Variants in PNPLA7 observed in about 807,000 individuals in gnomAD.
PNPLA7 encodes patatin like domain 7, lysophospholipase, also known as patatin-like phospholipase domain-containing protein 7.
In PNPLA7, 153 loss-of-function variants were observed where a neutral mutation model predicts 161.7. The ratio of observed to expected loss-of-function variants is 0.95; its 90% CI spans 0.83 to 1.08. The LOEUF (loss-of-function observed/expected upper bound fraction) is 1.08. Among genes scored for constraint, PNPLA7 ranks in the 50% least tolerant of loss-of-function variants. The probability of loss-of-function intolerance (pLI) is 0.00; values close to 1 mark genes in which losing one functional copy is unlikely to be tolerated. For synonymous variants in PNPLA7, 809 were observed against 782.1 expected, an observed-to-expected ratio of 1.03 and a Z score of -0.57; for missense variants, 1,739 against 1,856.6, an observed-to-expected ratio of 0.94 and a Z score of 1.16.
intron 30 of PNPLA7, 113 bp from the exon 31 acceptor site, chr9:137,462,444 G>C (rs898183476): frequency 5.4e-6 from 8 of 1,485,660 alleles, no homozygotes; most frequent in Non-Finnish European, 7.2e-6. Flanking sequence ...GGTAGGTTCT[G>C]GGGGGAGAGG....
rs768264539 is a variant in PNPLA7, at chr9:137,521,638, C to A, written c.955G>T (p.Ala319Ser). 1.2e-6 allele frequency: 2 copies of A among 1,612,310 alleles called. No individual in the cohort carries two copies. Among genetic ancestry groups the A allele is most frequent in the Non-Finnish European group, 1.7e-6 (2 of 1,179,702 alleles). The stretch of plus-strand genomic sequence containing the variant: ...TTTGTGAGGTGGTTTTCACTTACAG[C>A]GTTGAAGAGCTCTGTGGTCAGGCCG... ...YLGLTTELFN[A>S]ESQAIPLVSV... Residue 319 changes from alanine (A) to serine (S), a missense_variant and splice_region_variant, in exon 10 of 35, where the codon GCT (alanine) becomes TCT (serine). By Grantham distance (99) the Ala-to-Ser change is moderately conservative. Coordinates refer to ENST00000406427, the MANE Select transcript of PNPLA7 (RefSeq NM_001098537.3).
chr9:137,479,469 G>A (rs996104650), intron 23 of PNPLA7: 11 of 1,229,772 alleles, frequency 8.9e-6, no homozygotes, highest in African/African-American at 4.7e-5. Context: ...GGAGGGGGAC[G>A]CCTCCTCTTT....
intron 14 of PNPLA7, among the ~76,000 whole-genome samples, chr9:137,502,539 CAGAGGACGGCCGCTGACGG>C (rs1833499604): frequency 6.8e-6 from 1 of 146,184 alleles, no homozygotes; most frequent in Non-Finnish European, 1.5e-5. Context: ...AGCTCTCAGG[CAGAGGACGGCCGCTGACGG>C]AGAGGCCGCA....
rs912475101 is a variant in PNPLA7, at chr9:137,476,045, G to A, written c.2882+1989C>T. ...AATTGAACACAGGAGAGAAACAAAG[G>A]CAGTTTCCAGGGTGGTGGTGAAAGA... On this transcript the variant is annotated intron_variant, in intron 25 of 34. Coordinates refer to ENST00000406427, the MANE Select transcript of PNPLA7 (RefSeq NM_001098537.3). The surrounding 1 kb of genome is among the most constrained non-coding windows in gnomAD (Gnocchi z 4.5). Among the ~76,000 whole-genome samples, 6 of 152,180 alleles carry A rather than the reference G, an allele frequency of 3.9e-5. No individual in the cohort carries two copies. Among genetic ancestry groups the A allele is most frequent in the African/African-American group, 1.4e-4 (6 of 41,444 alleles).
intron 30 of PNPLA7, 99 bp from the exon 31 acceptor site, chr9:137,462,430 G>C (rs908458594): frequency 1.3e-6 from 2 of 1,503,592 alleles, no homozygotes; most frequent in African/African-American, 1.4e-5. Context: ...CATCCTCTGG[G>C]GTAGGTAGGT....
At chr9:137,517,410 C>T (rs1834661955) in intron 11 of PNPLA7, among the ~76,000 whole-genome samples, 1 of 60,304 alleles carries the variant, frequency 1.7e-5, no homozygotes, top group Non-Finnish European at 3.0e-5. Flanking sequence ...CTCCATCCCC[C>T]GTCACTCACT....
chr9:137,491,428 G>A (rs145091535), intron 20 of PNPLA7: 1 of 946,324 alleles, frequency 1.1e-6, no homozygotes, highest in Non-Finnish European at 1.3e-6. Context: ...AGGAACACAT[G>A]ATCCAACCGG....
chr9:137,479,951 G>T (rs115113592), intron 23 of PNPLA7: 1 of 942,876 alleles, frequency 1.1e-6, no homozygotes, highest in Non-Finnish European at 1.3e-6. Flanking sequence ...GAACAGGAAC[G>T]ACGCCGACAC....
intron 9 of PNPLA7, 79 bp from the exon 10 acceptor site, chr9:137,521,795 T>A: frequency 7.9e-7 from 1 of 1,273,014 alleles, no homozygotes; most frequent in Non-Finnish European, 1.1e-6. Context: ...CACAGAGCAC[T>A]GAGAACCGTG....
chr9:137,497,988 C>A (rs761140602), intron 17 of PNPLA7, 126 bp downstream of exon 17: 32 of 1,442,016 alleles, frequency 2.2e-5, no homozygotes, highest in Non-Finnish European at 2.8e-5. Flanking sequence ...GGAAATCCAG[C>A]CTTCCATGTG....
At position 137,497,228 on chromosome 9, in the gene PNPLA7, G is replaced by A. The variant is rs768493455; in HGVS notation, c.1972C>T (p.Arg658Cys). 9.4e-6 allele frequency: 15 copies of A among 1,589,058 alleles called. No individual in the cohort carries two copies. Among genetic ancestry groups the A allele is most frequent in the South Asian group, 2.3e-5 (2 of 87,008 alleles). ...SVIRKDDGKK[R>C]LAGEYGRGDL... ...CCTCGGCCGTACTCCCCGGCCAGGC[G>A]CTTCTTCCCATCATCCTTCCGGATC... is the stretch of plus-strand genomic sequence containing the variant. The change falls in exon 18 of 35, where the codon CGC becomes TGC. Residue 658 changes from arginine (R) to cysteine (C), a missense_variant. Around this residue, in one of 6 missense-constraint regions of PNPLA7, gnomAD observed 481 missense variants for 450.0 expected, o/e 1.07. Coordinates refer to ENST00000406427, the MANE Select transcript of PNPLA7 (RefSeq NM_001098537.3).
intron 8 of PNPLA7, among the ~76,000 whole-genome samples, chr9:137,534,477 C>G (rs1416014916): frequency 1.3e-5 from 2 of 152,214 alleles, no homozygotes; most frequent in Non-Finnish European, 2.9e-5. Flanking sequence ...AGTGTCCACT[C>G]CAGATGGGAG....
chr9:137,521,553 G>A (rs1020593027), intron 10 of PNPLA7, 83 bp downstream of exon 10: 1 of 1,367,340 alleles, frequency 7.3e-7, no homozygotes, highest in East Asian at 2.3e-5. Flanking sequence ...CCAGGCACTG[G>A]GCGCCTGCCG....
rs368429680 is a variant in PNPLA7, at chr9:137,461,937, C to T, written c.3750G>A (p.Ala1250=). 2.4e-5 allele frequency: 38 copies of T among 1,571,108 alleles called. No individual in the cohort carries two copies. The African/African-American group carries it at 4.8e-4, about 20-fold the overall frequency. ...TCCGGACGCCCGTACTCACCGCACT[C>T]GCGGGCTTCTTGCTCGGCCCCTGCT... is the stretch of plus-strand genomic sequence containing the variant. ...RDQQGPSKKP[A]SAVLTCPNAS... Residue 1250 remains alanine, a synonymous_variant, in exon 32 of 35, where the codon GCG becomes GCA. Coordinates refer to ENST00000406427, the MANE Select transcript of PNPLA7 (RefSeq NM_001098537.3).
chr9:137,464,084 C>T (rs780656218), intron 28 of PNPLA7, 42 bp downstream of exon 28: 2 of 1,599,138 alleles, frequency 1.3e-6, no homozygotes, highest in South Asian at 2.2e-5. Flanking sequence ...CCTGCCCACA[C>T]CTCGCACCCA....
intron 11 of PNPLA7, chr9:137,516,324 C>T: frequency 3.0e-6 from 3 of 984,282 alleles, no homozygotes; most frequent in Non-Finnish European, 3.6e-6. Context: ...GAGGAAGGAG[C>T]CTGGCCTTGC....
rs559878245 is a variant in PNPLA7, at chr9:137,520,664, G to A, written c.958-621C>T. 5.9e-5 allele frequency among the ~76,000 whole-genome samples: 9 copies of A among 152,324 alleles called. No individual in the cohort carries two copies. Among genetic ancestry groups the A allele is most frequent in the South Asian group, 4.1e-4 (2 of 4,830 alleles). ...GGGCAGTGGGGATGGAGCAGGGCAC[G>A]AAACCCTGGTCTCACTCAGTTCCCA... On this transcript the variant is annotated intron_variant, in intron 10 of 34. Coordinates refer to ENST00000406427, the MANE Select transcript of PNPLA7 (RefSeq NM_001098537.3). This position sits in a 1 kb window ranked among gnomAD's most constrained non-coding sequence, Gnocchi z 5.2.
chr9:137,525,501 C>T (rs954717796), intron 8 of PNPLA7, among the ~76,000 whole-genome samples: 8 of 152,126 alleles, frequency 5.3e-5, no homozygotes, highest in East Asian at 1.9e-4. Flanking sequence ...ACGTGTCCAC[C>T]GGACAGGGGG....
rs908267668 is a variant in PNPLA7, at chr9:137,467,394, C to T, written c.2962G>A (p.Gly988Arg). 26 of 1,613,332 alleles carry T rather than the reference C, an allele frequency of 1.6e-5. No homozygotes were observed. The highest frequency in any genetic ancestry group is 2.1e-5 in the Non-Finnish European group (25 of 1,179,962). Residue 988 changes from glycine to arginine, a missense_variant, in exon 26 of 35, where the codon GGG becomes AGG. Gly to Arg is a moderately radical substitution (Grantham distance 125, BLOSUM62 -2). This residue lies in a region of PNPLA7 where 703 missense variants were observed against 694.6 expected (regional missense o/e 1.01). Coordinates refer to ENST00000406427, the MANE Select transcript of PNPLA7 (RefSeq NM_001098537.3). This position sits in a 1 kb window ranked among gnomAD's most constrained non-coding sequence, Gnocchi z 5.1. Reference protein sequence around the residue: ...PVDMVGGTSIGAFVGALYSEE... With the variant: ...PVDMVGGTSIRAFVGALYSEE... The stretch of plus-strand genomic sequence containing the variant: ...GAGTACAGGGCACCCACGAAGGCCC[C>T]GATGGACGTGCCTCCCACCATGTCC...
Sources: gnomAD v4.1 joint callset for allele counts (sites outside exome capture counted in the v4.1 genomes callset) on GRCh38, gnomAD v4.1.1 for gene constraint, gnomAD v4.1.1 regional missense constraint, Gnocchi (gnomAD v3.1) non-coding constraint, MANE v1.5 for transcripts, NCBI Gene and HGNC (gene_info 2026-07-23, HGNC 2026-07-21) for gene names.